The following NLRP5 variants were observed in gnomAD, a reference collection of about 807,000 sequenced individuals.
NLRP5 encodes NLR family pyrin domain containing 5.
A neutral mutation model predicts 113.1 loss-of-function variants in NLRP5; 93 were observed. The ratio of observed to expected loss-of-function variants is 0.82; its 90% CI spans 0.70 to 0.98. NLRP5 has a LOEUF of 0.98. NLRP5 is among the 50% of genes least tolerant of loss of function. The probability of loss-of-function intolerance (pLI) is 0.00; values close to 1 mark genes in which losing one functional copy is unlikely to be tolerated. For synonymous variants in NLRP5, 751 were observed against 600.7 expected (o/e 1.25, Z -3.66); for missense variants, 1,808 against 1,514.3 (o/e 1.19, Z -3.22).
chr19:56,049,953 C>G (rs1261906822), intron 11 of NLRP5, among the ~76,000 whole-genome samples: 1 of 152,012 alleles, frequency 6.6e-6, no homozygotes, highest in East Asian at 1.9e-4. Context: ...TTTTCTGCCT[C>G]CTTCTCATTT....
At chr19:55,990,089 T>C in the NLRP5 span, among the ~76,000 whole-genome samples, 63 of 49,418 alleles carry the variant, frequency 1.3e-3, 1 homozygote, top group African/African-American at 3.0e-3. Context: ...CTTTTTTTTT[T>C]TTTTTTTTTT....
At chr19:56,008,217 C>T (rs938238990) in intron 2 of NLRP5, among the ~76,000 whole-genome samples, 2 of 151,844 alleles carry the variant, frequency 1.3e-5, no homozygotes, top group African/African-American at 2.4e-5. Context: ...CGTGAGCCAC[C>T]GCGCCTGGCC....
At chr19:56,019,832 C>T (rs1982545455) in intron 5 of NLRP5, among the ~76,000 whole-genome samples, 1 of 143,728 alleles carries the variant, frequency 7.0e-6, no homozygotes, top group Non-Finnish European at 1.5e-5. Flanking sequence ...CATGTCTTGC[C>T]TTCATGGCAT....
chr19:56,020,084 G>A (rs1026951828), intron 5 of NLRP5, among the ~76,000 whole-genome samples: 18 of 151,828 alleles, frequency 1.2e-4, no homozygotes, highest in South Asian at 2.1e-4. Context: ...TGCCCACCTC[G>A]GCCTCCCAAA....
the NLRP5 span, among the ~76,000 whole-genome samples, chr19:55,991,488 T>G: frequency 2.6e-5 from 4 of 152,138 alleles, no homozygotes; most frequent in Non-Finnish European, 5.9e-5. Context: ...CTCACCACAT[T>G]GAGCCTTTTA....
At chr19:56,018,353 A>G (rs2123290709) in intron 4 of NLRP5, among the ~76,000 whole-genome samples, 1 of 152,354 alleles carries the variant, frequency 6.6e-6, no homozygotes. Context: ...TTAGCCTCAC[A>G]TGGTAACTAT....
In NLRP5 at chr19:56,058,503, G is replaced by A. The variant is rs372047420; in HGVS notation, c.3470+93G>A. On this transcript the variant is annotated intron_variant, in intron 14 of 14. Transcript: ENST00000390649. ...GAAGCAGTTTATGGGAAAAGTTGAC[G>A]TCATACCTTGGGAGCCACATTTTAC... 1,543 of 1,186,758 alleles carry A rather than the reference G, an allele frequency of 1.3e-3. 4 individuals carry two copies. Among genetic ancestry groups the A allele is most frequent in the Middle Eastern group, 1.8e-3 (9 of 4,914 alleles). 73.5% of individuals were successfully genotyped at this position (1,186,758 alleles called of 1,614,324 possible).
intron 7 of NLRP5, among the ~76,000 whole-genome samples, chr19:56,030,870 C>T (rs958947078): frequency 1.1e-4 from 16 of 151,928 alleles, no homozygotes; most frequent in East Asian, 3.9e-4. Context: ...CCCACCACCA[C>T]ACCCGGCTAA....
At chr19:56,005,495 G>T (rs1981858589) in intron 2 of NLRP5, among the ~76,000 whole-genome samples, 1 of 147,314 alleles carries the variant, frequency 6.8e-6, no homozygotes, top group African/African-American at 2.5e-5. Context: ...ACACGCAGGT[G>T]GCATGCCTGT....
At position 56,001,910 on chromosome 19, in the gene NLRP5, A is replaced by C. The variant is rs566594300; in HGVS notation, c.63-1806A>C. 1.6e-3 allele frequency among the ~76,000 whole-genome samples: 247 copies of C among 151,676 alleles called. 1 individual carries two copies. Among genetic ancestry groups the C allele is most frequent in the African/African-American group, 5.6e-3 (231 of 41,354 alleles). On this transcript the variant is annotated intron_variant, in intron 1 of 14. Coordinates refer to ENST00000390649, the MANE Select transcript of NLRP5 (RefSeq NM_153447.4). Reference sequence around the variant, plus strand: ...TACCACAAAGTAATGGTGGGGGGAAAGGAGATTTGCTCAAACTGGCCAACC... The same window carrying C: ...TACCACAAAGTAATGGTGGGGGGAACGGAGATTTGCTCAAACTGGCCAACC...
chr19:56,010,600 A>G (rs979375493), intron 3 of NLRP5, among the ~76,000 whole-genome samples: 19 of 151,540 alleles, frequency 1.3e-4, no homozygotes, highest in South Asian at 8.4e-4. Flanking sequence ...CAGGAAAAAA[A>G]AAACTAGCCA....
chr19:56,031,285 G>A (rs906330945), intron 7 of NLRP5, among the ~76,000 whole-genome samples: 1 of 151,942 alleles, frequency 6.6e-6, no homozygotes, highest in Non-Finnish European at 1.5e-5. Flanking sequence ...TGCTCCCCAG[G>A]CCCCCGGCAG....
At chr19:55,991,460 T>C in the NLRP5 span, among the ~76,000 whole-genome samples, 1 of 152,194 alleles carries the variant, frequency 6.6e-6, no homozygotes. Context: ...GACTGATGTG[T>C]TGGGAATCTG....
intron 3 of NLRP5, among the ~76,000 whole-genome samples, chr19:56,013,275 C>T (rs992337349): frequency 2.6e-5 from 4 of 152,108 alleles, no homozygotes; most frequent in South Asian, 2.1e-4. Context: ...TCACTGCAAC[C>T]TCCGCCTCCC....
At chr19:56,048,398 C>T (rs895132236) in intron 11 of NLRP5, among the ~76,000 whole-genome samples, 8 of 152,210 alleles carry the variant, frequency 5.3e-5, no homozygotes, top group African/African-American at 1.4e-4. Context: ...ATTTAGAGCT[C>T]CTTTTAGTGG....
intron 9 of NLRP5, among the ~76,000 whole-genome samples, chr19:56,035,747 C>T (rs902442556): frequency 2.6e-5 from 4 of 152,194 alleles, no homozygotes; most frequent in Admixed American, 2.0e-4. Context: ...TTTCCTGACA[C>T]CTGGCCCGTA....
the NLRP5 span, among the ~76,000 whole-genome samples, chr19:55,993,093 C>T: frequency 6.7e-6 from 1 of 149,528 alleles, no homozygotes; most frequent in African/African-American, 2.6e-5. Flanking sequence ...AGGTGATCCA[C>T]CCACCTCGGC....
the NLRP5 span, among the ~76,000 whole-genome samples, chr19:55,989,671 G>A: frequency 6.6e-6 from 1 of 152,124 alleles, no homozygotes; most frequent in African/African-American, 2.4e-5. Context: ...GACATTCTGC[G>A]CACGTGTATG....
At chr19:56,060,797 A>C (rs1390568341) in intron 14 of NLRP5, among the ~76,000 whole-genome samples, 2 of 152,096 alleles carry the variant, frequency 1.3e-5, no homozygotes, top group Non-Finnish European at 2.9e-5. Context: ...TCACTGCCTG[A>C]TGTGCTAGAG....
Sources: gnomAD v4.1 joint callset for allele counts (sites outside exome capture counted in the v4.1 genomes callset) on GRCh38, gnomAD v4.1.1 for gene constraint, MANE v1.5 for transcripts, NCBI Gene and HGNC (gene_info 2026-07-23, HGNC 2026-07-21) for gene names.